The following DIO2 variants were observed in gnomAD, a reference collection of about 807,000 sequenced individuals.
The protein encoded by DIO2 is type II iodothyronine deiodinase.
Under a neutral mutation model 21.4 loss-of-function variants are expected in DIO2, and 19 were observed. That is an observed-to-expected ratio of 0.89 (90% CI 0.62 to 1.30). DIO2 has a LOEUF of 1.30. Ranked by LOEUF, DIO2 falls within the 50% of genes most tolerant of loss-of-function variation. The probability of loss-of-function intolerance (pLI) is 0.00; values close to 1 mark genes in which losing one functional copy is unlikely to be tolerated. For synonymous variants in DIO2, 122 were observed against 132.9 expected (o/e 0.92, Z 0.57); for missense variants, 302 against 338.1 (o/e 0.89, Z 0.84).
chr14:80,198,178 T>G lies in DIO2; in HGVS notation c.*4511A>C, dbSNP rs924838765. 3.9e-5 allele frequency: 6 copies of G among 152,590 alleles called. No homozygotes were observed. The highest frequency in any genetic ancestry group is 3.3e-4 in the Admixed American group (5 of 15,264). The allele number at this position is 152,590 out of a possible 1,614,324, so 9.5% of individuals were successfully genotyped here. A position where few individuals can be genotyped will look rare whatever the true frequency, so the allele number is the denominator to read the frequency against. On this transcript the variant is annotated 3_prime_UTR_variant, in exon 2 of 2. Coordinates refer to ENST00000438257, the MANE Select transcript of DIO2 (RefSeq NM_013989.5). ...GAGAAGTGGAGGGTTTGAGCCAAAA[T>G]AGTGACTTCATTAAACATCTGCTGG...
chr14:80,213,502 G>A (rs1349598632), upstream of DIO2, among the ~76,000 whole-genome samples: 12 of 152,086 alleles, frequency 7.9e-5, no homozygotes, highest in Admixed American at 7.9e-4. Context: ...AATGCATTTT[G>A]TTTGGTTGGC....
chr14:80,208,937 T>C (rs1187527046), intron 1 of DIO2, among the ~76,000 whole-genome samples: 1 of 152,194 alleles, frequency 6.6e-6, no homozygotes, highest in Non-Finnish European at 1.5e-5. Flanking sequence ...AGCTATTACA[T>C]AAATCATCAA....
chr14:80,204,854 C>T (rs1429128557), intron 1 of DIO2, among the ~76,000 whole-genome samples: 1 of 152,086 alleles, frequency 6.6e-6, no homozygotes. Context: ...AGTTCTTTCT[C>T]TCCCTTCTGA....
chr14:80,224,510 C>G (rs1211133799), intron 2 of DIO2, among the ~76,000 whole-genome samples: 1 of 151,262 alleles, frequency 6.6e-6, no homozygotes, highest in Non-Finnish European at 1.5e-5. Flanking sequence ...CACACACACA[C>G]ACACACACAC....
Position 80,211,317 on chromosome 14 carries a change from C to T in DIO2, c.156G>A (p.Arg52=), listed in dbSNP as rs1251496089. The change falls in exon 1 of 2, where the codon CGG becomes CGA. Residue 52 remains arginine (R), a synonymous_variant. Transcript: ENST00000438257. ...GCAGTCCCTCTGAGGTCAGCATGCG[C>T]CGCCACTCTCCGCGAGTGGACTTGG... The part of the protein sequence containing the change: ...SRSKSTRGEW[R]RMLTSEGLRC... 2.5e-6 allele frequency: 4 copies of T among 1,613,736 alleles called. No homozygotes were observed. The South Asian group carries it at 4.4e-5, about 18-fold the overall frequency.
chr14:80,223,501 G>A (rs1210534550), intron 2 of DIO2, among the ~76,000 whole-genome samples: 1 of 152,172 alleles, frequency 6.6e-6, no homozygotes, highest in Non-Finnish European at 1.5e-5. Context: ...GAAGAAAGGG[G>A]TAATTTAAAG....
chr14:80,217,048 A>G (rs1888376588), intron 2 of DIO2, among the ~76,000 whole-genome samples: 1 of 152,214 alleles, frequency 6.6e-6, no homozygotes, highest in African/African-American at 2.4e-5. Context: ...CAATGAGAGC[A>G]AAGGATGCCA....
rs377469634 is a variant in DIO2, at chr14:80,218,757, C to T, written c.-277-2020G>A. On this transcript the variant is annotated intron_variant, in intron 2 of 4. Transcript: ENST00000553594. ...CTTTGGGAGGCCAAGGTGGGTGGAT[C>T]GCTTGAGGCCAGGAGTTCGAGACCA... Among the ~76,000 whole-genome samples, 158 of 152,208 alleles carry T rather than the reference C, an allele frequency of 1.0e-3. 1 individual carries two copies. The South Asian group carries it at 0.013, about 12-fold the overall frequency.
In DIO2 at chr14:80,202,302, T is replaced by A; in HGVS notation, c.*387A>T. 5.7e-6 allele frequency: 3 copies of A among 525,994 alleles called. 1 individual carries two copies. Among genetic ancestry groups the A allele is most frequent in the South Asian group, 4.2e-5 (3 of 71,616 alleles). 32.6% of individuals were successfully genotyped at this position (525,994 alleles called of 1,614,324 possible). On this transcript the variant is annotated 3_prime_UTR_variant, in exon 2 of 2. Coordinates refer to ENST00000438257, the MANE Select transcript of DIO2 (RefSeq NM_013989.5). Reference sequence around the variant, plus strand: ...GCCAAATAGAGCCAAGGCAATACCCTTTATCTTAACGTAGACAGTAGCTTC... The same window carrying A: ...GCCAAATAGAGCCAAGGCAATACCCATTATCTTAACGTAGACAGTAGCTTC...
rs147814825 is a variant in DIO2 at position 80,202,299 on chromosome 14, C to T, written c.*390G>A. ...CATGCCAAATAGAGCCAAGGCAATA[C>T]CCTTTATCTTAACGTAGACAGTAGC... On this transcript the variant is annotated 3_prime_UTR_variant, in exon 2 of 2. Transcript: ENST00000438257. 539 of 524,934 alleles carry T rather than the reference C, an allele frequency of 1.0e-3. 3 individuals carry two copies. The highest frequency in any genetic ancestry group is 5.7e-3 in the African/African-American group (297 of 52,310). 32.5% of individuals were successfully genotyped at this position (524,934 alleles called of 1,614,324 possible). A position where few individuals can be genotyped will look rare whatever the true frequency, so the allele number is the denominator to read the frequency against.
chr14:80,220,357 G>A (rs1367635328), intron 2 of DIO2, among the ~76,000 whole-genome samples: 1 of 152,144 alleles, frequency 6.6e-6, no homozygotes, highest in African/African-American at 2.4e-5. Flanking sequence ...TAGCATCTAG[G>A]TGTTACAGAG....
chr14:80,219,279 T>C (rs1235355659), intron 2 of DIO2: 2 of 152,218 alleles, frequency 1.3e-5, no homozygotes, highest in Non-Finnish European at 2.9e-5. Flanking sequence ...AGCATTTGAT[T>C]GCCTTATTGC....
chr14:80,204,009 G>A (rs887373471), intron 1 of DIO2, among the ~76,000 whole-genome samples: 7 of 152,198 alleles, frequency 4.6e-5, no homozygotes, highest in African/African-American at 1.7e-4. Context: ...ATGGGTGTGT[G>A]TTGTCCTTAT....
At chr14:80,229,811 C>T (rs554505967) in intron 2 of DIO2, among the ~76,000 whole-genome samples, 1 of 152,304 alleles carries the variant, frequency 6.6e-6, no homozygotes, top group South Asian at 2.1e-4. Context: ...GTTCCTTCCA[C>T]CATTAACTCA....
chr14:80,202,180 A>G lies in DIO2; in HGVS notation c.*509T>C, dbSNP rs569339110. 1.4e-4 allele frequency: 55 copies of G among 388,834 alleles called. 1 individual carries two copies. The East Asian group carries it at 1.9e-3, about 14-fold the overall frequency. The allele number at this position is 388,834 out of a possible 1,614,324, so 24.1% of individuals were successfully genotyped here. On this transcript the variant is annotated 3_prime_UTR_variant, in exon 2 of 2. Coordinates refer to ENST00000438257, the MANE Select transcript of DIO2 (RefSeq NM_013989.5). Reference sequence around the variant, plus strand: ...AGCTGGAACATCAGAAATGACTCTAACATAAGGTCTAACCTTAACACCAAC... The same window carrying G: ...AGCTGGAACATCAGAAATGACTCTAGCATAAGGTCTAACCTTAACACCAAC...
At chr14:80,205,198 CT>C (rs552212952) in intron 1 of DIO2, among the ~76,000 whole-genome samples, 8 of 148,072 alleles carry the variant, frequency 5.4e-5, no homozygotes, top group Admixed American at 6.8e-5. Flanking sequence ...TTTTGTACTT[CT>C]TTTTTTTTTA....
chr14:80,226,559 G>T (rs940111023), intron 2 of DIO2, among the ~76,000 whole-genome samples: 1 of 152,190 alleles, frequency 6.6e-6, no homozygotes, highest in Admixed American at 6.5e-5. Flanking sequence ...CAGGTAGCTG[G>T]CTGATCACCC....
chr14:80,216,398 C>T (rs1393569874), upstream of DIO2, among the ~76,000 whole-genome samples: 1 of 148,776 alleles, frequency 6.7e-6, no homozygotes, highest in Non-Finnish European at 1.5e-5. Flanking sequence ...CACAGAACAG[C>T]TGTTAGGAGA....
chr14:80,198,844 C>T lies in DIO2; in HGVS notation c.*3845G>A, dbSNP rs1887596741. On this transcript the variant is annotated 3_prime_UTR_variant, in exon 2 of 2. Coordinates refer to ENST00000438257, the MANE Select transcript of DIO2 (RefSeq NM_013989.5). ...CAGTCTCCACTGCTGAGACACATGA[C>T]AGTGGGGATGTTCTGAAAAGCTCTA... is the stretch of plus-strand genomic sequence containing the variant. 1 of 149,912 alleles carries T rather than the reference C, an allele frequency of 6.7e-6. No homozygotes were observed. The highest frequency in any genetic ancestry group is 1.5e-5 in the Non-Finnish European group (1 of 67,772). 9.3% of individuals were successfully genotyped at this position (149,912 alleles called of 1,614,324 possible).
Sources: allele counts gnomAD v4.1 joint callset (sites outside exome capture counted in the v4.1 genomes callset), GRCh38; gene constraint gnomAD v4.1.1; transcripts MANE v1.5; gene names NCBI Gene and HGNC (gene_info 2026-07-23, HGNC 2026-07-21).